ATXN7L1: variants seen among roughly 807,000 people sequenced by gnomAD.
ATXN7L1 encodes ataxin 7 like 1.
In ATXN7L1, 15 loss-of-function variants were observed where a neutral mutation model predicts 70.8. The ratio of observed to expected loss-of-function variants is 0.21; its 90% CI spans 0.14 to 0.33. The LOEUF (loss-of-function observed/expected upper bound fraction) is 0.33, where lower values mean the gene tolerates loss of function less well. ATXN7L1 is among the 10% of genes least tolerant of loss of function. ATXN7L1 has a pLI of 1.00. For synonymous variants in ATXN7L1, 440 were observed against 445.1 expected (o/e 0.99, Z 0.14); for missense variants, 975 against 1,097.1 (o/e 0.89, Z 1.57).
chr7:105,663,479 G>A (rs1207638239), intron 4 of ATXN7L1, among the ~76,000 whole-genome samples: 2 of 152,208 alleles, frequency 1.3e-5, no homozygotes, highest in Non-Finnish European at 2.9e-5. Context: ...ACGAACTTAA[G>A]TGCAATTAAC....
At chr7:105,787,119 A>T (rs1204367) in intron 3 of ATXN7L1, among the ~76,000 whole-genome samples, 41 of 152,006 alleles carry the variant, frequency 2.7e-4, no homozygotes, top group Middle Eastern at 6.9e-3. Context: ...CAGGCAGTGG[A>T]GAGGGTCATT....
chr7:105,613,820 G>C, intron 10 of ATXN7L1, 42 bp downstream of exon 10: 1 of 1,551,592 alleles, frequency 6.4e-7, no homozygotes, highest in African/African-American at 1.4e-5. Context: ...AGCTCCCCCT[G>C]CCCCCCAGAG....
chr7:105,682,695 T>C (rs185298745), intron 3 of ATXN7L1, among the ~76,000 whole-genome samples: 1 of 152,186 alleles, frequency 6.6e-6, no homozygotes, highest in East Asian at 1.9e-4. Context: ...GTCATATATA[T>C]ATAGTATGAT....
intron 4 of ATXN7L1, among the ~76,000 whole-genome samples, chr7:105,651,149 C>A (rs993047236): frequency 6.6e-6 from 1 of 152,172 alleles, no homozygotes; most frequent in South Asian, 2.1e-4. Context: ...TGGTTTCAGT[C>A]CTGCCTTGGT....
At chr7:105,702,330 C>G (rs920358477) in intron 3 of ATXN7L1, among the ~76,000 whole-genome samples, 19 of 152,190 alleles carry the variant, frequency 1.2e-4, no homozygotes, top group Non-Finnish European at 4.4e-5. Flanking sequence ...CCTAGTTTTC[C>G]TGGGTTTGTT....
chr7:105,607,709 A>T lies in ATXN7L1; in HGVS notation c.*143T>A, dbSNP rs1327715563. On this transcript the variant is annotated 3_prime_UTR_variant, in exon 12 of 12. Coordinates refer to ENST00000419735, the MANE Select transcript of ATXN7L1 (RefSeq NM_020725.2). ...AACTAAAAATTGGTCAATTAAAAAA[A>T]GAAGAAGAAAGGCCAGAGTCACAGG... is the stretch of plus-strand genomic sequence containing the variant. 1.6e-6 allele frequency: 1 copy of T among 625,128 alleles called. No homozygotes were observed. Among genetic ancestry groups the T allele is most frequent in the Non-Finnish European group, 2.7e-6 (1 of 370,200 alleles). The allele number at this position is 625,128 out of a possible 1,614,324, so 38.7% of individuals were successfully genotyped here.
At chr7:105,706,228 C>T (rs1361668921) in intron 3 of ATXN7L1, among the ~76,000 whole-genome samples, 1 of 151,762 alleles carries the variant, frequency 6.6e-6, no homozygotes, top group Non-Finnish European at 1.5e-5. Context: ...GAGTATCGCC[C>T]TGTCGCCCAG....
At chr7:105,736,800 A>G (rs1005680623) in intron 3 of ATXN7L1, among the ~76,000 whole-genome samples, 1 of 152,234 alleles carries the variant, frequency 6.6e-6, no homozygotes, top group African/African-American at 2.4e-5. Context: ...GTGGAGACCC[A>G]CTGCTTTAAA....
At chr7:105,837,927 G>A (rs1350327090) in intron 2 of ATXN7L1, among the ~76,000 whole-genome samples, 3 of 152,124 alleles carry the variant, frequency 2.0e-5, no homozygotes, top group African/African-American at 7.2e-5. Flanking sequence ...TCTCGATGGC[G>A]CAGGTCCTAA....
At chr7:105,745,464 T>C (rs1798478739) in intron 3 of ATXN7L1, among the ~76,000 whole-genome samples, 1 of 152,242 alleles carries the variant, frequency 6.6e-6, no homozygotes, top group African/African-American at 2.4e-5. Context: ...CCACTTGACT[T>C]ACAGGCAAAT....
chr7:105,774,824 A>G (rs564346098), intron 3 of ATXN7L1, among the ~76,000 whole-genome samples: 5 of 152,300 alleles, frequency 3.3e-5, no homozygotes, highest in African/African-American at 7.2e-5. Flanking sequence ...CACAGCCACA[A>G]TGTAAACTAA....
chr7:105,641,328 G>GTT (rs34503805), intron 5 of ATXN7L1, among the ~76,000 whole-genome samples: 80 of 123,170 alleles, frequency 6.5e-4, no homozygotes, highest in Admixed American at 3.3e-3. Context: ...CTGGTGTGGT[G>GTT]TTTTTTTTTT....
intron 3 of ATXN7L1, among the ~76,000 whole-genome samples, chr7:105,740,589 G>A (rs1177632412): frequency 1.3e-5 from 2 of 152,044 alleles, no homozygotes; most frequent in Admixed American, 1.3e-4. Context: ...TGATCCAAGA[G>A]TTAGTTAAAG....
chr7:105,858,186 A>G (rs932172446), intron 2 of ATXN7L1, among the ~76,000 whole-genome samples: 2 of 152,174 alleles, frequency 1.3e-5, no homozygotes, highest in Non-Finnish European at 2.9e-5. Context: ...AGCTATGATC[A>G]TGCCACTGCA....
intron 3 of ATXN7L1, among the ~76,000 whole-genome samples, chr7:105,772,063 ATTTT>A (rs533366742): frequency 2.1e-4 from 21 of 99,820 alleles, no homozygotes; most frequent in Admixed American, 1.0e-3. Context: ...TCAGATTGGA[ATTTT>A]TTTTTTTTTT....
chr7:105,667,915 A>G (rs940330019), intron 3 of ATXN7L1, among the ~76,000 whole-genome samples: 1 of 152,054 alleles, frequency 6.6e-6, no homozygotes. Flanking sequence ...CAAGATTTCA[A>G]TTTTTACCAT....
chr7:105,841,664 G>A (rs1369101523), intron 2 of ATXN7L1, among the ~76,000 whole-genome samples: 1 of 152,024 alleles, frequency 6.6e-6, no homozygotes, highest in Non-Finnish European at 1.5e-5. Context: ...TTACTTTCCT[G>A]AACAATGGCC....
chr7:105,835,267 A>G (rs1249967266), intron 2 of ATXN7L1, among the ~76,000 whole-genome samples: 1 of 138,216 alleles, frequency 7.2e-6, no homozygotes, highest in African/African-American at 2.8e-5. Context: ...TGATCCTCCC[A>G]CCTCAGCCTC....
At chr7:105,759,616 C>A (rs559926397) in intron 3 of ATXN7L1, among the ~76,000 whole-genome samples, 1 of 151,992 alleles carries the variant, frequency 6.6e-6, no homozygotes, top group South Asian at 2.1e-4. Flanking sequence ...ACCACAAGGC[C>A]CTGTCTACAC....
Sources: gnomAD v4.1 joint callset for allele counts (sites outside exome capture counted in the v4.1 genomes callset) on GRCh38, gnomAD v4.1.1 for gene constraint, MANE v1.5 for transcripts, NCBI Gene and HGNC (gene_info 2026-07-23, HGNC 2026-07-21) for gene names.